Variants in BMP5 observed in about 807,000 individuals in gnomAD.
BMP5 encodes the protein bone morphogenetic protein 5.
In BMP5, 23 loss-of-function variants were observed where a neutral mutation model predicts 46.6. The ratio of observed to expected loss-of-function variants is 0.49; its 90% CI spans 0.35 to 0.70. BMP5 has a LOEUF of 0.70. Ranked by LOEUF, BMP5 falls within the 30% of genes least tolerant of loss-of-function variation. The probability of loss-of-function intolerance (pLI) is 0.00; values close to 1 mark genes in which losing one functional copy is unlikely to be tolerated. For missense variants in BMP5, 545 were observed against 565.6 expected (o/e 0.96, Z 0.37); for synonymous variants, 204 against 191.9 (o/e 1.06, Z -0.52).
intron 6 of BMP5, 61 bp from the exon 7 acceptor site, chr6:55,755,743 T>C: frequency 2.0e-6 from 3 of 1,475,880 alleles, no homozygotes; most frequent in East Asian, 2.4e-5. Flanking sequence ...TTTGCAGTTT[T>C]AAAATGGTAT....
chr6:55,847,834 T>C (rs1389142364), intron 1 of BMP5, among the ~76,000 whole-genome samples: 1 of 151,806 alleles, frequency 6.6e-6, no homozygotes, highest in Non-Finnish European at 1.5e-5. Flanking sequence ...AAAATAAAAA[T>C]TGCACTCTAA....
chr6:55,810,483 A>G (rs969611239), intron 2 of BMP5, among the ~76,000 whole-genome samples: 3 of 152,206 alleles, frequency 2.0e-5, no homozygotes, highest in African/African-American at 7.2e-5. Flanking sequence ...AGAGAAATTT[A>G]AACATGTGCT....
intron 3 of BMP5, among the ~76,000 whole-genome samples, chr6:55,776,682 G>T (rs962019341): frequency 6.7e-6 from 1 of 149,168 alleles, no homozygotes; most frequent in Non-Finnish European, 1.5e-5. Context: ...TTCTAATACT[G>T]AAATAGGTTG....
chr6:55,792,284 A>G (rs1483634447), intron 3 of BMP5, among the ~76,000 whole-genome samples: 1 of 152,196 alleles, frequency 6.6e-6, no homozygotes, highest in African/African-American at 2.4e-5. Context: ...CTGTAATCCC[A>G]GCACTTTGGA....
intron 1 of BMP5, among the ~76,000 whole-genome samples, chr6:55,871,527 T>A (rs960011318): frequency 1.3e-5 from 2 of 151,924 alleles, no homozygotes; most frequent in Non-Finnish European, 2.9e-5. Context: ...GCAATTTATT[T>A]ACTTTTTATT....
intron 1 of BMP5, among the ~76,000 whole-genome samples, chr6:55,847,138 C>G (rs2127547919): frequency 6.6e-6 from 1 of 151,982 alleles, no homozygotes; most frequent in South Asian, 2.1e-4. Context: ...TTCCAAGAGA[C>G]TTGTTTGCCC....
intron 3 of BMP5, among the ~76,000 whole-genome samples, chr6:55,783,095 C>T (rs1396986022): frequency 6.6e-6 from 1 of 151,986 alleles, no homozygotes; most frequent in Non-Finnish European, 1.5e-5. Flanking sequence ...CTGCTTCTTT[C>T]GTTAAGTTCA....
At chr6:55,855,309 C>T (rs930003404) in intron 1 of BMP5, among the ~76,000 whole-genome samples, 1 of 150,988 alleles carries the variant, frequency 6.6e-6, no homozygotes, top group African/African-American at 2.4e-5. Context: ...CACTTGAGCC[C>T]AGATGGTCAA....
intron 2 of BMP5, among the ~76,000 whole-genome samples, chr6:55,796,540 T>C (rs1775716348): frequency 6.6e-6 from 1 of 152,024 alleles, no homozygotes; most frequent in Non-Finnish European, 1.5e-5. Flanking sequence ...AGGGTCCATG[T>C]GCACAATGTG....
At chr6:55,770,416 T>A (rs897710001) in intron 4 of BMP5, among the ~76,000 whole-genome samples, 8 of 151,944 alleles carry the variant, frequency 5.3e-5, no homozygotes, top group African/African-American at 1.9e-4. Context: ...TCAGCCTTCA[T>A]AGAATTGAGG....
At chr6:55,798,018 G>C (rs950543142) in intron 2 of BMP5, among the ~76,000 whole-genome samples, 1 of 152,074 alleles carries the variant, frequency 6.6e-6, no homozygotes, top group African/African-American at 2.4e-5. Context: ...CAGCAGGGTC[G>C]GTTCTTTCTG....
intron 2 of BMP5, among the ~76,000 whole-genome samples, chr6:55,795,597 C>G (rs1038116640): frequency 2.6e-5 from 4 of 151,888 alleles, no homozygotes; most frequent in Non-Finnish European, 5.9e-5. Context: ...GAAAAATACT[C>G]AAATTTAAAA....
intron 4 of BMP5, among the ~76,000 whole-genome samples, chr6:55,763,316 T>C (rs1774831206): frequency 6.6e-6 from 1 of 152,172 alleles, no homozygotes. Flanking sequence ...TCCATATATA[T>C]GTCTTTTTAT....
rs552850419 is a variant in BMP5, at chr6:55,809,014, C to T, written c.683+10641G>A. On this transcript the variant is annotated intron_variant, in intron 2 of 6. Transcript: ENST00000370830. ...GGAGTTGGTGCCTGCTTAATTTCAA[C>T]GCTGACTTGCTATACTCAGGCTTTA... Among the ~76,000 whole-genome samples the T allele has an allele frequency of 1.4e-4, 22 of 152,282 alleles. 1 individual carries two copies. In the South Asian group the frequency reaches 2.7e-3, roughly 19 times the overall value.
intron 4 of BMP5, among the ~76,000 whole-genome samples, chr6:55,760,802 C>T (rs1368353242): frequency 6.6e-6 from 1 of 151,916 alleles, no homozygotes; most frequent in Non-Finnish European, 1.5e-5. Context: ...CTTGACAGGG[C>T]ACAGCATGGT....
intron 2 of BMP5, among the ~76,000 whole-genome samples, chr6:55,813,132 G>C (rs1018051732): frequency 6.6e-6 from 1 of 152,064 alleles, no homozygotes; most frequent in Admixed American, 6.5e-5. Flanking sequence ...AAATCCTAGT[G>C]TTTTTTGTTT....
intron 1 of BMP5, among the ~76,000 whole-genome samples, chr6:55,861,303 T>A (rs1230874250): frequency 2.0e-5 from 3 of 152,346 alleles, no homozygotes; most frequent in Admixed American, 2.0e-4. Context: ...GCAGCCCTGC[T>A]TATATGGCCT....
chr6:55,792,178 T>C (rs1775585467), intron 3 of BMP5, among the ~76,000 whole-genome samples: 1 of 152,210 alleles, frequency 6.6e-6, no homozygotes. Context: ...TTTGAGAGCA[T>C]AGGGAAGGTC....
chr6:55,834,287 CT>C (rs1349378414), intron 1 of BMP5, among the ~76,000 whole-genome samples: 1 of 152,168 alleles, frequency 6.6e-6, no homozygotes. Flanking sequence ...CAGAAACTTC[CT>C]TTCCTCGCTC....
Sources: gnomAD v4.1 joint callset for allele counts (sites outside exome capture counted in the v4.1 genomes callset) on GRCh38, gnomAD v4.1.1 for gene constraint, MANE v1.5 for transcripts, NCBI Gene and HGNC (gene_info 2026-07-23, HGNC 2026-07-21) for gene names.